Variants in LRRC49 observed in about 807,000 individuals in gnomAD.
The protein encoded by LRRC49 is leucine-rich repeat-containing protein 49.
Under a neutral mutation model 83.3 loss-of-function variants are expected in LRRC49, and 50 were observed. The ratio of observed to expected loss-of-function variants is 0.60; its 90% CI spans 0.48 to 0.76. The LOEUF (loss-of-function observed/expected upper bound fraction) is 0.76, where lower values mean the gene tolerates loss of function less well. Ranked by LOEUF, LRRC49 falls within the 30% of genes least tolerant of loss-of-function variation. The probability of loss-of-function intolerance (pLI) is 0.00; values close to 1 mark genes in which losing one functional copy is unlikely to be tolerated. For synonymous variants in LRRC49, 286 were observed against 283.3 expected (o/e 1.01, Z -0.10); for missense variants, 704 against 809.1 (o/e 0.87, Z 1.58).
chr15:70,884,543 G>GA (rs1346347850), intron 2 of LRRC49, among the ~76,000 whole-genome samples: 97 of 135,674 alleles, frequency 7.1e-4, no homozygotes, highest in South Asian at 1.4e-3. Flanking sequence ...TATACACACA[G>GA]AAAAAAAAAA....
At chr15:70,907,070 G>A (rs748174993) in intron 5 of LRRC49, among the ~76,000 whole-genome samples, 4 of 152,216 alleles carry the variant, frequency 2.6e-5, no homozygotes, top group Admixed American at 2.0e-4. Flanking sequence ...ACAGCAAGGG[G>A]CCTGTGAGCT....
chr15:70,997,470 G>C (rs536133819), intron 11 of LRRC49, among the ~76,000 whole-genome samples: 1 of 152,202 alleles, frequency 6.6e-6, no homozygotes, highest in South Asian at 2.1e-4. Flanking sequence ...AAAAATCCTG[G>C]CTGGGAGTGG....
At chr15:70,979,940 G>T (rs974261033) in intron 9 of LRRC49, among the ~76,000 whole-genome samples, 161 bp from the exon 10 acceptor site, 1 of 152,028 alleles carries the variant, frequency 6.6e-6, no homozygotes, top group African/African-American at 2.4e-5. Context: ...GAGGAAAGAA[G>T]AAAATAAAGA....
upstream of LRRC49, among the ~76,000 whole-genome samples, chr15:70,890,857 G>A (rs74730508): frequency 0.011 from 1,640 of 152,320 alleles, 31 homozygotes; most frequent in African/African-American, 0.037. Context: ...TACACAGTGA[G>A]CAACAGGGAC....
At chr15:70,859,250 G>C (rs1239650240) in intron 1 of LRRC49, 1 of 1,015,734 alleles carries the variant, frequency 9.8e-7, no homozygotes, top group Non-Finnish European at 1.6e-6. Flanking sequence ...GAACAAATAT[G>C]AGGATGAGAT....
rs959171280 is a variant in LRRC49 at position 71,051,963 on chromosome 15, A to G, written c.*2351A>G. 3.9e-5 allele frequency: 6 copies of G among 152,000 alleles called. No homozygotes were observed. The highest frequency in any genetic ancestry group is 1.5e-4 in the African/African-American group (6 of 41,342). The allele number at this position is 152,000 out of a possible 1,614,324, so 9.4% of individuals were successfully genotyped here. A position where few individuals can be genotyped will look rare whatever the true frequency, so the allele number is the denominator to read the frequency against. ...CTCCCACTACCCCATACTGATTTCTACTTCTTGAATCCTTACTTTGTCGGG... is the reference window on the plus strand; with the variant it reads ...CTCCCACTACCCCATACTGATTTCTGCTTCTTGAATCCTTACTTTGTCGGG... On this transcript the variant is annotated 3_prime_UTR_variant, in exon 16 of 16. Coordinates refer to ENST00000260382, the MANE Select transcript of LRRC49 (RefSeq NM_017691.5).
intron 9 of LRRC49, among the ~76,000 whole-genome samples, chr15:70,968,678 A>G (rs1007983087): frequency 6.6e-6 from 1 of 152,132 alleles, no homozygotes; most frequent in Non-Finnish European, 1.5e-5. Flanking sequence ...CACCATTCTA[A>G]ATGGCATGAT....
At chr15:70,974,487 T>G (rs1421736465) in intron 9 of LRRC49, among the ~76,000 whole-genome samples, 1 of 152,212 alleles carries the variant, frequency 6.6e-6, no homozygotes, top group African/African-American at 2.4e-5. Context: ...TCTATTCACA[T>G]TTTTATTAAT....
intron 14 of LRRC49, among the ~76,000 whole-genome samples, chr15:71,036,372 A>G (rs984200606): frequency 6.6e-6 from 1 of 152,140 alleles, no homozygotes; most frequent in South Asian, 2.1e-4. Context: ...TCAAATTTGC[A>G]CTTCCTAAAA....
chr15:70,983,291 A>G (rs535333441), intron 10 of LRRC49, among the ~76,000 whole-genome samples: 9 of 152,248 alleles, frequency 5.9e-5, no homozygotes, highest in South Asian at 2.1e-4. Flanking sequence ...CTGAGCTCCA[A>G]TGCTGGAAGT....
At position 70,984,121 on chromosome 15, in the gene LRRC49, G is replaced by A. The variant is rs552038875; in HGVS notation, c.1033G>A (p.Val345Ile). The A allele has an allele frequency of 1.1e-5, 17 of 1,608,766 alleles. No individual in the cohort carries two copies. The South Asian group carries it at 1.4e-4, about 14-fold the overall frequency. ...KEKKRLTINN[V>I]ARQWDLQQQR... ...GAAGAAAAGGTTAACAATTAACAAC[G>A]TAGCTCGACAGTGGGACTTGCAACA... Residue 345 changes from valine to isoleucine, a missense_variant, in exon 11 of 16, where the codon GTA becomes ATA. Coordinates refer to ENST00000260382, the MANE Select transcript of LRRC49 (RefSeq NM_017691.5).
intron 9 of LRRC49, among the ~76,000 whole-genome samples, chr15:70,978,936 T>G (rs2037303595): frequency 6.6e-6 from 1 of 152,170 alleles, no homozygotes; most frequent in Non-Finnish European, 1.5e-5. Context: ...AAATTTCAAT[T>G]CTTATAATTT....
At chr15:70,981,007 A>G (rs1156646731) in intron 10 of LRRC49, among the ~76,000 whole-genome samples, 3 of 152,176 alleles carry the variant, frequency 2.0e-5, no homozygotes, top group African/African-American at 7.2e-5. Flanking sequence ...TGGAAAATAC[A>G]GTGAGACAAA....
intron 8 of LRRC49, among the ~76,000 whole-genome samples, chr15:70,940,979 G>C (rs972416086): frequency 6.6e-6 from 1 of 152,126 alleles, no homozygotes; most frequent in Non-Finnish European, 1.5e-5. Flanking sequence ...ATAATGTAAG[G>C]AGGACCCATA....
At chr15:70,912,257 TTGTTGTC>T (rs1169764846) in intron 6 of LRRC49, among the ~76,000 whole-genome samples, 7 of 152,182 alleles carry the variant, frequency 4.6e-5, no homozygotes, top group African/African-American at 1.7e-4. Context: ...TTTATTGTTG[TTGTTGTC>T]TGTTTGTTTT....
intron 14 of LRRC49, among the ~76,000 whole-genome samples, chr15:71,027,139 C>G (rs1443895548): frequency 1.3e-5 from 2 of 152,118 alleles, no homozygotes; most frequent in Non-Finnish European, 2.9e-5. Context: ...AGGAAGGGGT[C>G]CAGTTTCAGT....
chr15:70,976,585 A>G (rs1828975756), intron 9 of LRRC49, among the ~76,000 whole-genome samples: 2 of 152,318 alleles, frequency 1.3e-5, no homozygotes, highest in African/African-American at 2.4e-5. Context: ...TCAAACACCT[A>G]TTAAATCACT....
intron 10 of LRRC49, 76 bp downstream of exon 10, chr15:70,980,260 C>A (rs1261234594): frequency 2.0e-6 from 2 of 1,023,452 alleles, no homozygotes; most frequent in South Asian, 1.7e-5. Flanking sequence ...AGCTAGTCTA[C>A]TGGAAAAGTG....
intron 7 of LRRC49, among the ~76,000 whole-genome samples, chr15:70,920,891 A>T (rs1166909682): frequency 6.6e-6 from 1 of 152,160 alleles, no homozygotes; most frequent in Non-Finnish European, 1.5e-5. Context: ...TCTTTTTCAA[A>T]GCATCTCTTT....
Sources: allele counts gnomAD v4.1 joint callset (sites outside exome capture counted in the v4.1 genomes callset), GRCh38; gene constraint gnomAD v4.1.1; transcripts MANE v1.5; gene names NCBI Gene and HGNC (gene_info 2026-07-23, HGNC 2026-07-21).